The following LONRF2 variants were observed in gnomAD, a reference collection of about 807,000 sequenced individuals.
LONRF2 encodes LON peptidase N-terminal domain and RING finger protein 2.
Under a neutral mutation model 66.6 loss-of-function variants are expected in LONRF2, and 35 were observed. The ratio of observed to expected loss-of-function variants is 0.53; its 90% CI spans 0.40 to 0.70. The LOEUF is 0.70. Ranked by LOEUF, LONRF2 falls within the 30% of genes least tolerant of loss-of-function variation. LONRF2 has a pLI of 0.00. For missense variants in LONRF2, 902 were observed against 1,002.1 expected, an observed-to-expected ratio of 0.90 and a Z score of 1.35; for synonymous variants, 417 against 418.1, an observed-to-expected ratio of 1.00 and a Z score of 0.03.
chr2:100,310,979 T>C (rs1675396471), intron 1 of LONRF2, among the ~76,000 whole-genome samples: 1 of 152,234 alleles, frequency 6.6e-6, no homozygotes, highest in South Asian at 2.1e-4. Context: ...GTGTTTCCTA[T>C]CATCAAAACA....
chr2:100,321,504 A>C lies in LONRF2; in HGVS notation c.590T>G (p.Leu197Arg), dbSNP rs757787707. 6.5e-5 allele frequency: 101 copies of C among 1,546,004 alleles called. No individual in the cohort carries two copies. The highest frequency in any genetic ancestry group is 8.2e-5 in the Non-Finnish European group (95 of 1,158,358). Residue 197 changes from leucine (L) to arginine (R), a missense_variant, in exon 1 of 12, where the codon CTG becomes CGG. Transcript: ENST00000393437. Reference protein sequence around the residue: ...LEKCFPAECRLRRLAGQARSL... With the variant: ...LEKCFPAECRRRRLAGQARSL... ...CCGCGCCTGGCCTGCCAGCCTGCGC[A>C]GCCGGCACTCGGCCGGGAAGCACTT...
At chr2:100,286,708 T>A (rs1487138428) in intron 11 of LONRF2, among the ~76,000 whole-genome samples, 1 of 152,222 alleles carries the variant, frequency 6.6e-6, no homozygotes, top group Non-Finnish European at 1.5e-5. Context: ...AGAAATTATG[T>A]TCTGTTAGAG....
At chr2:100,285,752 C>T (rs1674832797) in intron 11 of LONRF2, among the ~76,000 whole-genome samples, 1 of 152,170 alleles carries the variant, frequency 6.6e-6, no homozygotes, top group Admixed American at 6.5e-5. Context: ...GACAAGGAAA[C>T]AGACTCTCCC....
At chr2:100,301,542 C>T (rs1176680115) in intron 3 of LONRF2, among the ~76,000 whole-genome samples, 2 of 152,262 alleles carry the variant, frequency 1.3e-5, no homozygotes, top group Non-Finnish European at 2.9e-5. Context: ...ACATCAATGT[C>T]CTCAGCCCCA....
intron 1 of LONRF2, among the ~76,000 whole-genome samples, chr2:100,314,566 T>C (rs1675469436): frequency 6.6e-6 from 1 of 152,154 alleles, no homozygotes; most frequent in Non-Finnish European, 1.5e-5. Flanking sequence ...TTCTCACTTT[T>C]TTGGGGGCCT....
At chr2:100,295,237 AT>A (rs1675039999) in intron 8 of LONRF2, among the ~76,000 whole-genome samples, 194 bp downstream of exon 8, 1 of 152,190 alleles carries the variant, frequency 6.6e-6, no homozygotes, top group Admixed American at 6.5e-5. Flanking sequence ...CACTTTAAAA[AT>A]ATCTTATAAA....
intron 3 of LONRF2, among the ~76,000 whole-genome samples, chr2:100,301,679 C>T (rs1432792471): frequency 6.6e-6 from 1 of 152,218 alleles, no homozygotes; most frequent in Non-Finnish European, 1.5e-5. Context: ...GGGGAAAACA[C>T]CATGTCTGAA....
chr2:100,299,239 C>T lies in LONRF2; in HGVS notation c.1348G>A (p.Ala450Thr). 6.3e-7 allele frequency: 1 copy of T among 1,587,894 alleles called. No individual in the cohort carries two copies. The highest frequency in any genetic ancestry group is 8.6e-7 in the Non-Finnish European group (1 of 1,164,932). ...LSLDVTDFEC[A>T]LCMRLLFEPV... ...GTACCATCCTACCTCATGCAGAGGG[C>T]ACACTCAAAGTCAGTTACATCAAGC... is the stretch of plus-strand genomic sequence containing the variant. The change falls in exon 6 of 12, where the codon GCC becomes ACC. Residue 450 changes from alanine to threonine, a missense_variant. Ala to Thr is a moderately conservative substitution (Grantham distance 58). This residue lies in a region of LONRF2 where 317 missense variants were observed against 432.2 expected (regional missense o/e 0.73). Transcript: ENST00000393437.
chr2:100,286,835 C>T, intron 11 of LONRF2, 79 bp downstream of exon 11: 2 of 1,503,508 alleles, frequency 1.3e-6, no homozygotes, highest in Non-Finnish European at 1.8e-6. Context: ...ATCATACTGC[C>T]AAGCTCTCCA....
chr2:100,320,003 T>A (rs1410105717), intron 1 of LONRF2, among the ~76,000 whole-genome samples: 1 of 152,232 alleles, frequency 6.6e-6, no homozygotes, highest in Non-Finnish European at 1.5e-5. Context: ...AGATGAAGTA[T>A]TTCTGATGAA....
chr2:100,314,155 G>A (rs1250162679), intron 1 of LONRF2, among the ~76,000 whole-genome samples: 1 of 152,038 alleles, frequency 6.6e-6, no homozygotes, highest in South Asian at 2.1e-4. Flanking sequence ...GAGGTTGTAC[G>A]AGTTTAGCTC....
intron 2 of LONRF2, among the ~76,000 whole-genome samples, chr2:100,303,310 C>T (rs983526441): frequency 9.2e-5 from 14 of 152,196 alleles, no homozygotes; most frequent in South Asian, 4.1e-4. Flanking sequence ...TTCTAAGGGA[C>T]GTGCTAAGAG....
At chr2:100,298,263 T>C (rs140107171) in intron 7 of LONRF2, among the ~76,000 whole-genome samples, 2 of 152,350 alleles carry the variant, frequency 1.3e-5, no homozygotes, top group East Asian at 3.9e-4. Context: ...CTAACGTAAA[T>C]GGATTTAATA....
intron 2 of LONRF2, among the ~76,000 whole-genome samples, chr2:100,307,021 C>T (rs10194280): frequency 0.061 from 9,208 of 150,572 alleles, 906 homozygotes; most frequent in African/African-American, 0.21. Flanking sequence ...CCCGGGTTGA[C>T]GCCATTCTCC....
At chr2:100,320,751 T>C (rs980173482) in intron 1 of LONRF2, among the ~76,000 whole-genome samples, 2 of 152,132 alleles carry the variant, frequency 1.3e-5, no homozygotes, top group Admixed American at 6.5e-5. Flanking sequence ...TTCAGCTAAA[T>C]AGTGTTAACA....
At chr2:100,311,404 T>G (rs1675406047) in intron 1 of LONRF2, among the ~76,000 whole-genome samples, 1 of 152,128 alleles carries the variant, frequency 6.6e-6, no homozygotes, top group Non-Finnish European at 1.5e-5. Context: ...AAGTATAGTT[T>G]TTTAGGCTTG....
rs3039770 is a variant in LONRF2, at chr2:100,300,153, ATCTGTCTG to A, written c.1066-243_1066-236del. Among the ~76,000 whole-genome samples, 67 of 151,476 alleles carry A rather than the reference ATCTGTCTG, an allele frequency of 4.4e-4. 1 individual carries two copies. Among genetic ancestry groups the A allele is most frequent in the African/African-American group, 9.7e-4 (40 of 41,286 alleles). On this transcript the variant is annotated intron_variant, in intron 4 of 11. Coordinates refer to ENST00000393437, the MANE Select transcript of LONRF2 (RefSeq NM_198461.4). ...AAGTGAAAAGTTATCTTCATATGCAATCTGTCTGTCTGTCTATCTATCTACACACACAC... is the reference window on the plus strand; with the variant it reads ...AAGTGAAAAGTTATCTTCATATGCAATCTGTCTATCTATCTACACACACAC...
rs375391978 is a variant in LONRF2, at chr2:100,321,430, G to C, written c.664C>G (p.Gln222Glu). The C allele has an allele frequency of 2.4e-5, 36 of 1,485,102 alleles. 1 individual carries two copies. In the African/African-American group the frequency reaches 4.8e-4, roughly 20 times the overall value. The allele number at this position is 1,485,102 out of a possible 1,614,324, so 92.0% of individuals were successfully genotyped here. A position where few individuals can be genotyped will look rare whatever the true frequency, so the allele number is the denominator to read the frequency against. ...GCCGACTCACCCAGCTCCAGGGCCTGGTCGCACCTGAGCAGCGCGGCCTCC... is the reference window on the plus strand; with the variant it reads ...GCCGACTCACCCAGCTCCAGGGCCTCGTCGCACCTGAGCAGCGCGGCCTCC... ...QPEAALLRCD[Q>E]ALELAPDDNS... Residue 222 changes from glutamine (Q) to glutamate (E), a missense_variant, in exon 1 of 12, where the codon CAG becomes GAG. Gln to Glu is a conservative substitution (Grantham distance 29). Around this residue, in one of 2 missense-constraint regions of LONRF2, gnomAD observed 585 missense variants for 569.9 expected, o/e 1.03. Coordinates refer to ENST00000393437, the MANE Select transcript of LONRF2 (RefSeq NM_198461.4).
Position 100,322,118 on chromosome 2 carries a change from GT to G in LONRF2, c.-26del. On this transcript the variant is annotated 5_prime_UTR_variant, in exon 1 of 12. Transcript: ENST00000393437. The stretch of plus-strand genomic sequence containing the variant: ...TCACCGCGGGGCTGCGACGACGCGG[GT>G]CCGGAGCGAAGGCGCGGAGCAGGGA... The G allele has an allele frequency of 1.6e-6, 2 of 1,239,430 alleles. No individual in the cohort carries two copies. Among genetic ancestry groups the G allele is most frequent in the African/African-American group, 1.6e-5 (1 of 64,022 alleles). 76.8% of individuals were successfully genotyped at this position (1,239,430 alleles called of 1,614,324 possible). A position where few individuals can be genotyped will look rare whatever the true frequency, so the allele number is the denominator to read the frequency against.
Sources: gnomAD v4.1 joint callset for allele counts (sites outside exome capture counted in the v4.1 genomes callset) on GRCh38, gnomAD v4.1.1 for gene constraint, gnomAD v4.1.1 regional missense constraint, MANE v1.5 for transcripts, NCBI Gene and HGNC (gene_info 2026-07-23, HGNC 2026-07-21) for gene names.